Variants in MACROD2 observed in about 807,000 individuals in gnomAD.
The protein encoded by MACROD2 is ADP-ribose glycohydrolase MACROD2.
Under a neutral mutation model 70.4 loss-of-function variants are expected in MACROD2, and 36 were observed. The ratio of observed to expected loss-of-function variants is 0.51; its 90% CI spans 0.39 to 0.68. The LOEUF is 0.68. Among genes scored for constraint, MACROD2 ranks in the 30% least tolerant of loss-of-function variants. MACROD2 has a pLI of 0.00. For missense variants in MACROD2, 496 were observed against 538.4 expected (o/e 0.92, Z 0.78); for synonymous variants, 172 against 178.8 (o/e 0.96, Z 0.30).
At chr20:15,890,253 C>G (rs537789915) in intron 10 of MACROD2, among the ~76,000 whole-genome samples, 18 of 152,216 alleles carry the variant, frequency 1.2e-4, no homozygotes, top group African/African-American at 3.6e-4. Context: ...ACCCACTCCC[C>G]AGGAATTCCC....
At chr20:15,243,188 C>T (rs2077075120) in intron 6 of MACROD2, among the ~76,000 whole-genome samples, 1 of 152,100 alleles carries the variant, frequency 6.6e-6, no homozygotes, top group South Asian at 2.1e-4. Flanking sequence ...TGGCAACATC[C>T]CTTGAAGCTG....
chr20:15,757,895 G>A (rs115619771), intron 8 of MACROD2, among the ~76,000 whole-genome samples: 336 of 152,268 alleles, frequency 2.2e-3, no homozygotes, highest in African/African-American at 7.6e-3. Flanking sequence ...TCACATTGGA[G>A]TTAGAACTTC....
chr20:15,506,191 A>G (rs1326296988), intron 8 of MACROD2, among the ~76,000 whole-genome samples: 8 of 152,120 alleles, frequency 5.3e-5, no homozygotes, highest in African/African-American at 1.9e-4. Context: ...CTTTGAGTTC[A>G]TCCTTGATGT....
chr20:14,919,130 A>G (rs1178811147), intron 5 of MACROD2, among the ~76,000 whole-genome samples: 12 of 152,172 alleles, frequency 7.9e-5, no homozygotes. Flanking sequence ...CATTCTCACA[A>G]ATAGATGGAT....
At chr20:15,655,117 GTA>G (rs530278679) in intron 8 of MACROD2, among the ~76,000 whole-genome samples, 1 of 151,882 alleles carries the variant, frequency 6.6e-6, no homozygotes, top group African/African-American at 2.4e-5. Flanking sequence ...GTGTGTGTGT[GTA>G]TGTGTGTGCG....
intron 12 of MACROD2, among the ~76,000 whole-genome samples, chr20:15,956,344 A>G (rs758279338): frequency 6.6e-6 from 1 of 152,204 alleles, no homozygotes; most frequent in African/African-American, 2.4e-5. Context: ...AAAGAGTTTC[A>G]GATTTTTAAC....
chr20:15,663,447 G>T (rs918996436), intron 8 of MACROD2, among the ~76,000 whole-genome samples: 2 of 151,890 alleles, frequency 1.3e-5, no homozygotes, highest in African/African-American at 4.8e-5. Flanking sequence ...TGTTGCCTAG[G>T]CTGGTCTTGA....
intron 4 of MACROD2, among the ~76,000 whole-genome samples, chr20:14,625,054 G>T (rs1418919674): frequency 6.6e-6 from 1 of 152,154 alleles, no homozygotes; most frequent in Non-Finnish European, 1.5e-5. Context: ...ATTAGGCTGG[G>T]TGTGGTGGCT....
chr20:14,945,408 G>T (rs553067600), intron 5 of MACROD2, among the ~76,000 whole-genome samples: 20 of 152,212 alleles, frequency 1.3e-4, no homozygotes, highest in African/African-American at 4.6e-4. Context: ...ATCAAGTCAG[G>T]AAACACTGGA....
chr20:14,947,332 A>T (rs953712625), intron 5 of MACROD2, among the ~76,000 whole-genome samples: 2 of 152,202 alleles, frequency 1.3e-5, no homozygotes, highest in African/African-American at 4.8e-5. Context: ...GACCAGCATG[A>T]TTCCATTTCT....
chr20:15,486,741 C>A (rs1468866121), intron 7 of MACROD2, among the ~76,000 whole-genome samples: 2 of 152,120 alleles, frequency 1.3e-5, no homozygotes, highest in Non-Finnish European at 2.9e-5. Flanking sequence ...GTGGCAAAGA[C>A]CTAGATAGGA....
intron 5 of MACROD2, among the ~76,000 whole-genome samples, chr20:14,851,870 G>A (rs749320212): frequency 6.6e-6 from 1 of 152,128 alleles, no homozygotes; most frequent in Non-Finnish European, 1.5e-5. Flanking sequence ...TTGAGCCCAC[G>A]CTGTATACCA....
At chr20:15,796,233 C>T (rs1346475684) in intron 8 of MACROD2, among the ~76,000 whole-genome samples, 1 of 152,140 alleles carries the variant, frequency 6.6e-6, no homozygotes, top group African/African-American at 2.4e-5. Flanking sequence ...TATAAGAAGC[C>T]CACGTTAATA....
At position 16,019,054 on chromosome 20, in the gene MACROD2, G is replaced by C. The variant is rs539570719; in HGVS notation, c.1154-22147G>C. Among the ~76,000 whole-genome samples the C allele has an allele frequency of 2.0e-5, 3 of 152,204 alleles. No individual in the cohort carries two copies. The South Asian group carries it at 6.2e-4, about 32-fold the overall frequency. On this transcript the variant is annotated intron_variant, in intron 15 of 17. Coordinates refer to ENST00000684519, the MANE Select transcript of MACROD2 (RefSeq NM_001351661.2). Reference sequence around the variant, plus strand: ...ATAAATCTATTTCCAGGATCACTGAGCACATTCTGAGGGCCAGACACTGTT... The same window carrying C: ...ATAAATCTATTTCCAGGATCACTGACCACATTCTGAGGGCCAGACACTGTT...
intron 6 of MACROD2, among the ~76,000 whole-genome samples, chr20:15,299,333 G>T (rs1348135488): frequency 6.6e-6 from 1 of 152,180 alleles, no homozygotes; most frequent in African/African-American, 2.4e-5. Context: ...CTTAAGCAGA[G>T]AACATTTAAA....
intron 5 of MACROD2, among the ~76,000 whole-genome samples, chr20:15,113,604 G>A (rs1336550776): frequency 6.6e-6 from 1 of 152,106 alleles, no homozygotes; most frequent in Non-Finnish European, 1.5e-5. Flanking sequence ...GGATATTATT[G>A]TTGTGAATTG....
intron 5 of MACROD2, among the ~76,000 whole-genome samples, chr20:14,838,843 A>G (rs2073057659): frequency 6.6e-6 from 1 of 151,828 alleles, no homozygotes; most frequent in South Asian, 2.1e-4. Flanking sequence ...CCCTACTCCC[A>G]CCCTTTGCCA....
intron 5 of MACROD2, among the ~76,000 whole-genome samples, chr20:14,863,024 G>A (rs454440): frequency 0.091 from 13,854 of 151,762 alleles, 806 homozygotes; most frequent in Non-Finnish European, 0.13. Flanking sequence ...ATGAAGCCAC[G>A]CTATAGTTTC....
At position 15,531,846 on chromosome 20, in the gene MACROD2, G is replaced by A. The variant is rs570630534; in HGVS notation, c.645+31999G>A. Among the ~76,000 whole-genome samples, 14 of 152,156 alleles carry A rather than the reference G, an allele frequency of 9.2e-5. No homozygotes were observed. The South Asian group carries it at 2.3e-3, about 25-fold the overall frequency. On this transcript the variant is annotated intron_variant, in intron 8 of 17. Coordinates refer to ENST00000684519, the MANE Select transcript of MACROD2 (RefSeq NM_001351661.2). ...GAATATTGGTTACATACCAAAGATC[G>A]AATAATTGCATTCTATAATAGGGAA...
Sources: gnomAD v4.1 joint callset for allele counts (sites outside exome capture counted in the v4.1 genomes callset) on GRCh38, gnomAD v4.1.1 for gene constraint, MANE v1.5 for transcripts, NCBI Gene and HGNC (gene_info 2026-07-23, HGNC 2026-07-21) for gene names.